The following GRIA1 variants were observed in gnomAD, a reference collection of about 807,000 sequenced individuals.
The protein encoded by GRIA1 is glutamate ionotropic receptor AMPA type subunit 1.
Under a neutral mutation model 99.2 loss-of-function variants are expected in GRIA1, and 31 were observed. That is an observed-to-expected ratio of 0.31 (90% CI 0.23 to 0.42). The LOEUF (loss-of-function observed/expected upper bound fraction) is 0.42. GRIA1 is among the 10% of genes least tolerant of loss of function. GRIA1 has a pLI of 1.00. For missense variants in GRIA1, 782 were observed against 1,157.5 expected, an observed-to-expected ratio of 0.68 and a Z score of 4.71; for synonymous variants, 438 against 432.4, an observed-to-expected ratio of 1.01 and a Z score of -0.16.
intron 11 of GRIA1, among the ~76,000 whole-genome samples, chr5:153,756,291 C>T (rs572945464): frequency 7.0e-4 from 107 of 152,322 alleles, no homozygotes; most frequent in Non-Finnish European, 1.1e-3. Flanking sequence ...TTGGGAAACT[C>T]CCCCACCCAT....
chr5:153,806,948 T>C (rs940852780), intron 15 of GRIA1, among the ~76,000 whole-genome samples: 3 of 152,206 alleles, frequency 2.0e-5, no homozygotes, highest in Non-Finnish European at 4.4e-5. Context: ...GGGCTTTTGG[T>C]ACTAGCCAAG....
chr5:153,740,638 T>G (rs1002923326), intron 11 of GRIA1, among the ~76,000 whole-genome samples: 7 of 152,344 alleles, frequency 4.6e-5, no homozygotes, highest in Admixed American at 3.9e-4. Flanking sequence ...TCATGAAAGT[T>G]GTCCACCAGA....
At chr5:153,576,606 T>A (rs1018557041) in intron 2 of GRIA1, among the ~76,000 whole-genome samples, 9 of 152,346 alleles carry the variant, frequency 5.9e-5, no homozygotes, top group South Asian at 2.1e-4. Context: ...TTTCTTCTCT[T>A]TTGTTAAAAG....
chr5:153,492,197 A>G (rs772577569), intron 1 of GRIA1: 5 of 1,530,810 alleles, frequency 3.3e-6, no homozygotes, highest in East Asian at 4.9e-5. Flanking sequence ...TGTCGGGCAT[A>G]CATGTGCTGC....
chr5:153,565,088 A>T (rs1215069714), intron 2 of GRIA1, among the ~76,000 whole-genome samples: 1 of 152,190 alleles, frequency 6.6e-6, no homozygotes, highest in Non-Finnish European at 1.5e-5. Flanking sequence ...CCTCTCAGTC[A>T]CCCATATATG....
chr5:153,756,893 A>G lies in GRIA1; in HGVS notation c.1824-7541A>G, dbSNP rs376230929. Among the ~76,000 whole-genome samples the G allele has an allele frequency of 2.6e-5, 4 of 152,314 alleles. No homozygotes were observed. In the East Asian group the frequency reaches 7.7e-4, roughly 29 times the overall value. On this transcript the variant is annotated intron_variant, in intron 11 of 15. Coordinates refer to ENST00000285900, the MANE Select transcript of GRIA1 (RefSeq NM_000827.4). ...ACTAGAATAAATATCTAATTCTTCA[A>G]TGTAAAGAGATTGACATACATCCAC...
intron 12 of GRIA1, among the ~76,000 whole-genome samples, chr5:153,768,792 T>C (rs1215497604): frequency 6.6e-6 from 1 of 152,200 alleles, no homozygotes; most frequent in Non-Finnish European, 1.5e-5. Flanking sequence ...AACTGAATTA[T>C]ATAGAATATA....
intron 4 of GRIA1, among the ~76,000 whole-genome samples, chr5:153,651,104 T>C (rs1238399384): frequency 6.6e-6 from 1 of 151,886 alleles, no homozygotes; most frequent in Non-Finnish European, 1.5e-5. Flanking sequence ...ATAATAATGA[T>C]AAATTACATT....
At chr5:153,715,773 T>C (rs547526705) in intron 11 of GRIA1, among the ~76,000 whole-genome samples, 1 of 152,286 alleles carries the variant, frequency 6.6e-6, no homozygotes, top group African/African-American at 2.4e-5. Context: ...TTTCTACAAC[T>C]TATTCAAAAC....
In GRIA1 at chr5:153,533,918, C is replaced by A. The variant is rs548693875; in HGVS notation, c.220+39853C>A. ...CTGAGGTTTAGCATAGAATAACTCA[C>A]CCATGGTCACCTATGTGAAAAAAGT... On this transcript the variant is annotated intron_variant, in intron 2 of 15. Coordinates refer to ENST00000285900, the MANE Select transcript of GRIA1 (RefSeq NM_000827.4). Among the ~76,000 whole-genome samples, 21 of 152,312 alleles carry A rather than the reference C, an allele frequency of 1.4e-4. No homozygotes were observed. In the East Asian group the frequency reaches 4.1e-3, roughly 29 times the overall value.
At chr5:153,763,907 C>A (rs1446795978) in intron 11 of GRIA1, among the ~76,000 whole-genome samples, 1 of 152,222 alleles carries the variant, frequency 6.6e-6, no homozygotes, top group Non-Finnish European at 1.5e-5. Context: ...TATTCTGATT[C>A]TATTTCCAAT....
At chr5:153,736,014 A>G (rs777829675) in intron 11 of GRIA1, among the ~76,000 whole-genome samples, 2 of 152,226 alleles carry the variant, frequency 1.3e-5, no homozygotes, top group Non-Finnish European at 2.9e-5. Flanking sequence ...ACTGGACTTC[A>G]GTATTTTAGG....
chr5:153,652,543 G>A (rs1422898), intron 4 of GRIA1, among the ~76,000 whole-genome samples: 39,477 of 152,112 alleles, frequency 0.26, 5,957 homozygotes, highest in Non-Finnish European at 0.34. Context: ...TGGCCAAAGA[G>A]CCTAGCTTCT....
intron 2 of GRIA1, among the ~76,000 whole-genome samples, chr5:153,610,123 A>T (rs961156811): frequency 6.6e-6 from 1 of 152,174 alleles, no homozygotes; most frequent in Non-Finnish European, 1.5e-5. Context: ...TCAATGGAAA[A>T]CTGGATTTCT....
intron 3 of GRIA1, among the ~76,000 whole-genome samples, chr5:153,648,692 C>G (rs961923011): frequency 6.6e-6 from 1 of 152,166 alleles, no homozygotes; most frequent in Non-Finnish European, 1.5e-5. Context: ...ATAGCAGAAC[C>G]AATCTGCAGA....
chr5:153,675,333 G>A (rs1195785081), intron 6 of GRIA1, among the ~76,000 whole-genome samples: 1 of 152,198 alleles, frequency 6.6e-6, no homozygotes, highest in Non-Finnish European at 1.5e-5. Context: ...ACCTAACTAA[G>A]GAATATCCAG....
chr5:153,784,088 C>T, intron 13 of GRIA1, among the ~76,000 whole-genome samples: 1 of 152,176 alleles, frequency 6.6e-6, no homozygotes, highest in African/African-American at 2.4e-5. Context: ...ACCTCATTTA[C>T]TCCCAACTCT....
intron 2 of GRIA1, among the ~76,000 whole-genome samples, chr5:153,576,165 A>G (rs1392740504): frequency 6.6e-6 from 1 of 152,230 alleles, no homozygotes; most frequent in Admixed American, 6.5e-5. Context: ...CAGTATCTGT[A>G]GAACAGCTTA....
intron 2 of GRIA1, among the ~76,000 whole-genome samples, chr5:153,561,563 T>G (rs544169807): frequency 6.6e-6 from 1 of 152,296 alleles, no homozygotes; most frequent in Non-Finnish European, 1.5e-5. Context: ...ATATGGGAAC[T>G]CAAGTTTATT....
Sources: gnomAD v4.1 joint callset for allele counts (sites outside exome capture counted in the v4.1 genomes callset) on GRCh38, gnomAD v4.1.1 for gene constraint, MANE v1.5 for transcripts, NCBI Gene and HGNC (gene_info 2026-07-23, HGNC 2026-07-21) for gene names.